CNR2: variants seen among roughly 807,000 people sequenced by gnomAD.
CNR2 encodes the protein cannabinoid receptor 2, also known as cannabinoid receptor 2 (macrophage).
For synonymous variants in CNR2, 172 were observed against 182.2 expected, an observed-to-expected ratio of 0.94 and a Z score of 0.45; for missense variants, 379 against 439.9, an observed-to-expected ratio of 0.86 and a Z score of 1.24.
intron 1 of CNR2, among the ~76,000 whole-genome samples, chr1:23,888,550 C>G (rs1640130090): frequency 6.6e-6 from 1 of 152,076 alleles, no homozygotes; most frequent in African/African-American, 2.4e-5. Context: ...TATCAGTGTG[C>G]CAGCAGAGTT....
At chr1:23,889,944 G>T (rs1253775140) in intron 1 of CNR2, among the ~76,000 whole-genome samples, 3 of 152,120 alleles carry the variant, frequency 2.0e-5, no homozygotes, top group Non-Finnish European at 4.4e-5. Context: ...TCAAAGGCAG[G>T]AGATGCTTAA....
intron 1 of CNR2, chr1:23,901,449 T>C (rs1640397406): frequency 6.5e-7 from 1 of 1,530,140 alleles, no homozygotes; most frequent in Non-Finnish European, 8.8e-7. Flanking sequence ...CTCGCCGACC[T>C]GCTGCAGCCT....
rs114360409 is a variant in CNR2 at position 23,896,087 on chromosome 1, C to T, written c.-46+17159G>A. On this transcript the variant is annotated intron_variant, in intron 1 of 1. Transcript: ENST00000374472. ...CTATATCACCCAGGCTTGTCTCAAA[C>T]TCCTGGCCTTAAGTGATCCTCCCGC... Among the ~76,000 whole-genome samples the T allele has an allele frequency of 1.3e-3, 191 of 152,236 alleles. 2 individuals carry two copies. Among genetic ancestry groups the T allele is most frequent in the Admixed American group, 1.4e-3 (22 of 15,286 alleles).
chr1:23,894,641 T>TTAA (rs1553141650), intron 1 of CNR2, among the ~76,000 whole-genome samples: 9 of 110,144 alleles, frequency 8.2e-5, no homozygotes, highest in Non-Finnish European at 1.4e-4. Context: ...ATCTGTATTA[T>TTAA]AAATAATAAT....
chr1:23,912,851 TGGAGGGAAGGGATAAG>T (rs1640609658), intron 1 of CNR2, among the ~76,000 whole-genome samples: 2 of 152,112 alleles, frequency 1.3e-5, no homozygotes, highest in South Asian at 4.1e-4. Flanking sequence ...CTTGTGTCCC[TGGAGGGAAGGGATAAG>T]GTAAGAATAC....
At chr1:23,900,256 G>A (rs963678865) in intron 1 of CNR2, among the ~76,000 whole-genome samples, 4 of 152,030 alleles carry the variant, frequency 2.6e-5, no homozygotes, top group African/African-American at 7.2e-5. Flanking sequence ...CTGGCTCCCC[G>A]CAACCAAACA....
Position 23,875,712 on chromosome 1 carries a change from A to C in CNR2, c.-45-50T>G. ...ATAATCTTTTTCAGTAAGCACAAGA[A>C]TGACCTCACCTGATAACTGACTGTA... On this transcript the variant is annotated intron_variant, in intron 1 of 1. Transcript: ENST00000374472. The C allele has an allele frequency of 2.8e-6, 4 of 1,434,966 alleles. No individual in the cohort carries two copies. In the East Asian group the frequency reaches 9.2e-5, roughly 33 times the overall value. 88.9% of individuals were successfully genotyped at this position (1,434,966 alleles called of 1,614,324 possible). A position where few individuals can be genotyped will look rare whatever the true frequency, so the allele number is the denominator to read the frequency against.
At chr1:23,901,322 A>G (rs1640394805) in intron 1 of CNR2, 3 of 653,466 alleles carry the variant, frequency 4.6e-6, no homozygotes. Flanking sequence ...TGTGTGGAAA[A>G]GGTGCCTACT....
At chr1:23,884,722 G>A (rs1025461456) in intron 1 of CNR2, among the ~76,000 whole-genome samples, 8 of 152,150 alleles carry the variant, frequency 5.3e-5, no homozygotes, top group Non-Finnish European at 1.2e-4. Flanking sequence ...ACGGCTGGTC[G>A]AGGTCAGAAC....
rs1639970356 is a variant in CNR2, at chr1:23,880,725, AT to A, written c.-45-5064del. ...GGATTACAGGTGCCTGCCACCAGGC[AT>A]GGCTTTTTTTAATATATATATTTTT... is the stretch of plus-strand genomic sequence containing the variant. On this transcript the variant is annotated intron_variant, in intron 1 of 1. Transcript: ENST00000374472. 2.6e-5 allele frequency among the ~76,000 whole-genome samples: 4 copies of A among 151,452 alleles called. No individual in the cohort carries two copies. The South Asian group carries it at 8.3e-4, about 32-fold the overall frequency.
chr1:23,877,130 A>G (rs1639897585), intron 1 of CNR2, among the ~76,000 whole-genome samples: 1 of 132,226 alleles, frequency 7.6e-6, no homozygotes, highest in African/African-American at 3.1e-5. Flanking sequence ...ATAACTTCAT[A>G]TAATTCTTGG....
intron 1 of CNR2, among the ~76,000 whole-genome samples, chr1:23,898,641 ATTTTT>A (rs71026701): frequency 3.9e-5 from 1 of 25,332 alleles, no homozygotes; most frequent in Non-Finnish European, 6.6e-5. Flanking sequence ...CGCCTGGCCA[ATTTTT>A]TTTTTTTTTT....
chr1:23,878,443 A>AT (rs1360734777), intron 1 of CNR2, among the ~76,000 whole-genome samples: 1 of 92,778 alleles, frequency 1.1e-5, no homozygotes, highest in Non-Finnish European at 2.1e-5. Context: ...CCCAAAGCAG[A>AT]ATTTTTTTTT....
In CNR2 at chr1:23,875,277, G is replaced by C; in HGVS notation, c.341C>G (p.Thr114Ser). The C allele has an allele frequency of 6.2e-7, 1 of 1,614,210 alleles. No homozygotes were observed. The highest frequency in any genetic ancestry group is 8.5e-7 in the Non-Finnish European group (1 of 1,180,036). ...ACCCACAGAGGCTGTGAAGGTCATA[G>C]TCACGCTGCCAATCTTCAGCAGGAA... ...AVFLLKIGSV[T>S]MTFTASVGSL... Residue 114 changes from threonine to serine, a missense_variant, in exon 2 of 2, where the codon ACT becomes AGT. Thr to Ser is a moderately conservative substitution (Grantham distance 58). Transcript: ENST00000374472.
chr1:23,889,092 G>A (rs545549448), intron 1 of CNR2, among the ~76,000 whole-genome samples: 8 of 152,242 alleles, frequency 5.3e-5, no homozygotes, highest in South Asian at 4.2e-4. Flanking sequence ...CATAGGGAGC[G>A]TCCATGGTGG....
rs1254293011 is a variant in CNR2 at position 23,878,801 on chromosome 1, GA to G, written c.-45-3140del. Among the ~76,000 whole-genome samples, 4 of 152,234 alleles carry G rather than the reference GA, an allele frequency of 2.6e-5. No individual in the cohort carries two copies. In the East Asian group the frequency reaches 7.7e-4, roughly 29 times the overall value. ...ATGAAAAGCCAAATTACCTGTAAGA[GA>G]ACCATAATTAATTTTAAGAGCAGAT... On this transcript the variant is annotated intron_variant, in intron 1 of 1. Coordinates refer to ENST00000374472, the MANE Select transcript of CNR2 (RefSeq NM_001841.3).
chr1:23,902,455 A>C, intron 1 of CNR2: 3 of 1,595,544 alleles, frequency 1.9e-6, no homozygotes, highest in Non-Finnish European at 1.7e-6. Context: ...TTAGCAGCCT[A>C]CAGAGTGGCC....
chr1:23,901,794 T>A, intron 1 of CNR2: 1 of 1,558,536 alleles, frequency 6.4e-7, no homozygotes, highest in Non-Finnish European at 8.9e-7. Context: ...TTCCCAGAGC[T>A]GGACCCACAC....
intron 1 of CNR2, among the ~76,000 whole-genome samples, chr1:23,906,046 T>C (rs1640481196): frequency 1.3e-5 from 2 of 152,164 alleles, no homozygotes; most frequent in South Asian, 4.1e-4. Flanking sequence ...CAGTTGGTCC[T>C]GAACTTACCC....
Sources: allele counts gnomAD v4.1 joint callset (sites outside exome capture counted in the v4.1 genomes callset), GRCh38; gene constraint gnomAD v4.1.1; transcripts MANE v1.5; gene names NCBI Gene and HGNC (gene_info 2026-07-23, HGNC 2026-07-21).